Variants in LEPR observed in about 807,000 individuals in gnomAD.
The protein encoded by LEPR is leptin receptor.
A neutral mutation model predicts 114.7 loss-of-function variants in LEPR; 56 were observed. That is an observed-to-expected ratio of 0.49 (90% CI 0.39 to 0.61). LEPR has a LOEUF of 0.61. Ranked by LOEUF, LEPR falls within the 20% of genes least tolerant of loss-of-function variation. The probability of loss-of-function intolerance (pLI) is 0.00; values close to 1 mark genes in which losing one functional copy is unlikely to be tolerated. For synonymous variants in LEPR, 443 were observed against 461.4 expected, an observed-to-expected ratio of 0.96 and a Z score of 0.51; for missense variants, 1,202 against 1,352.9, an observed-to-expected ratio of 0.89 and a Z score of 1.75.
At chr1:65,604,694 C>T (rs931699600) in intron 10 of LEPR, among the ~76,000 whole-genome samples, 3 of 152,210 alleles carry the variant, frequency 2.0e-5, no homozygotes, top group African/African-American at 7.2e-5. Context: ...CTTAGGAACC[C>T]GGCCACAAAG....
intron 8 of LEPR, among the ~76,000 whole-genome samples, chr1:65,600,534 T>C (rs1039230268): frequency 2.0e-5 from 3 of 152,176 alleles, no homozygotes; most frequent in Non-Finnish European, 4.4e-5. Flanking sequence ...TTTCATAGTC[T>C]ATCAACAGAA....
At chr1:65,524,452 C>A (rs12091382) in intron 2 of LEPR, among the ~76,000 whole-genome samples, 2 of 152,138 alleles carry the variant, frequency 1.3e-5, no homozygotes, top group African/African-American at 4.8e-5. Flanking sequence ...AAGTGCTATT[C>A]AAAAAAGTGA....
At chr1:65,453,588 T>C (rs961206290) in intron 2 of LEPR, among the ~76,000 whole-genome samples, 1 of 152,164 alleles carries the variant, frequency 6.6e-6, no homozygotes, top group Admixed American at 6.5e-5. Context: ...AGTTGAGCGG[T>C]TTTGAGTGAG....
chr1:65,635,379 C>T (rs923220530), intron 19 of LEPR: 1 of 984,174 alleles, frequency 1.0e-6, no homozygotes, highest in African/African-American at 1.8e-5. Flanking sequence ...AGTTGTTTGG[C>T]AGGATTTTTC....
In LEPR at chr1:65,636,300, G is replaced by T. The variant is rs747279404; in HGVS notation, c.2783G>T (p.Trp928Leu). 1 of 1,613,914 alleles carries T rather than the reference G, an allele frequency of 6.2e-7. No homozygotes were observed. Among genetic ancestry groups the T allele is most frequent in the South Asian group, 1.1e-5 (1 of 91,064 alleles). ...GAAGATATCAGTGTTGATACATCAT[G>T]GAAAAATAAAGATGAGATGATGCCA... is the stretch of plus-strand genomic sequence containing the variant. ...ISEDISVDTS[W>L]KNKDEMMPTT... The change falls in exon 20 of 20, where the codon TGG becomes TTG. Residue 928 changes from tryptophan (W) to leucine (L), a missense_variant. Trp to Leu is a moderately conservative substitution (Grantham distance 61, BLOSUM62 -2). Transcript: ENST00000349533.
At chr1:65,456,143 G>A (rs1024806553) in intron 2 of LEPR, among the ~76,000 whole-genome samples, 4 of 152,042 alleles carry the variant, frequency 2.6e-5, no homozygotes, top group East Asian at 3.9e-4. Context: ...GCTTCGGCTC[G>A]TGCACGGTGC....
At chr1:65,540,984 A>G (rs1424348758) in intron 2 of LEPR, among the ~76,000 whole-genome samples, 1 of 152,030 alleles carries the variant, frequency 6.6e-6, no homozygotes, top group Non-Finnish European at 1.5e-5. Flanking sequence ...GGCATACGCC[A>G]CCATGCATGG....
chr1:65,633,190 A>G lies in LEPR; in HGVS notation c.2674-3001A>G, dbSNP rs1658593036. The G allele has an allele frequency of 6.2e-7, 1 of 1,609,324 alleles. No homozygotes were observed. Among genetic ancestry groups the G allele is most frequent in the Admixed American group, 1.7e-5 (1 of 59,872 alleles). ...TTTGAAGTCTAATCATGATCACTAC[A>G]GATGAACCCAATGTGCCAACTTCCC... On this transcript the variant is annotated intron_variant, in intron 19 of 19. Transcript: ENST00000349533. This position sits in a 1 kb window ranked among gnomAD's most constrained non-coding sequence, Gnocchi z 4.1.
chr1:65,420,726 T>G lies in LEPR; in HGVS notation c.-111T>G, dbSNP rs775889131. On this transcript the variant is annotated 5_prime_UTR_variant, in exon 1 of 20. It removes an upstream start codon present in the reference 5' UTR. Transcript: ENST00000349533. The stretch of plus-strand genomic sequence containing the variant: ...AGCCGCGGCCCCAGTTCGGGAGACA[T>G]GGCGGGCGTTAAAGGTACATCGCGG... 6.3e-7 allele frequency: 1 copy of G among 1,583,910 alleles called. No homozygotes were observed. The highest frequency in any genetic ancestry group is 8.6e-7 in the Non-Finnish European group (1 of 1,167,426).
chr1:65,618,242 A>G, intron 16 of LEPR, 96 bp downstream of exon 16: 3 of 1,124,370 alleles, frequency 2.7e-6, no homozygotes, highest in Non-Finnish European at 3.8e-6. Flanking sequence ...GAAAACTTCA[A>G]AAATATAGAG....
At chr1:65,470,891 GA>G (rs559527399) in intron 2 of LEPR, among the ~76,000 whole-genome samples, 3 of 152,296 alleles carry the variant, frequency 2.0e-5, no homozygotes, top group South Asian at 4.1e-4. Flanking sequence ...TAAGTGTGGT[GA>G]GTGAAGTGGA....
intron 2 of LEPR, among the ~76,000 whole-genome samples, chr1:65,544,620 C>A (rs1651509958): frequency 6.6e-6 from 1 of 151,372 alleles, no homozygotes; most frequent in Non-Finnish European, 1.5e-5. Context: ...CCATCAATAC[C>A]TAGTTTATTG....
intron 5 of LEPR, among the ~76,000 whole-genome samples, chr1:65,586,813 T>A (rs1241523389): frequency 2.6e-5 from 4 of 151,982 alleles, no homozygotes; most frequent in Non-Finnish European, 4.4e-5. Flanking sequence ...AAAGCTTTTT[T>A]AAAAACCAAC....
intron 2 of LEPR, among the ~76,000 whole-genome samples, chr1:65,440,956 C>A (rs1646641768): frequency 6.6e-6 from 1 of 152,096 alleles, no homozygotes; most frequent in Admixed American, 6.6e-5. Context: ...TAAATAAATG[C>A]ATTTTGTTCA....
At chr1:65,508,819 G>A (rs1021077501) in intron 2 of LEPR, among the ~76,000 whole-genome samples, 3 of 152,048 alleles carry the variant, frequency 2.0e-5, no homozygotes, top group African/African-American at 7.2e-5. Context: ...CACTCCATGA[G>A]CGCACAATAT....
chr1:65,621,985 T>C (rs1218622294), intron 18 of LEPR, among the ~76,000 whole-genome samples: 1 of 152,076 alleles, frequency 6.6e-6, no homozygotes, highest in Non-Finnish European at 1.5e-5. Context: ...GGAGATGTTA[T>C]TTGTGGTTTA....
intron 2 of LEPR, among the ~76,000 whole-genome samples, chr1:65,470,498 G>A (rs72921463): frequency 0.13 from 19,435 of 152,146 alleles, 1,289 homozygotes; most frequent in South Asian, 0.22. Context: ...TTATTAATTA[G>A]TAGAAACTAT....
chr1:65,601,313 G>T, intron 8 of LEPR, 79 bp from the exon 9 acceptor site: 1 of 1,523,836 alleles, frequency 6.6e-7, no homozygotes, highest in East Asian at 2.3e-5. Flanking sequence ...GGAATGTGTT[G>T]TGAATATTTT....
intron 2 of LEPR, among the ~76,000 whole-genome samples, chr1:65,472,447 T>TACACACACACACAC: frequency 1.8e-5 from 1 of 57,044 alleles, no homozygotes; most frequent in Admixed American, 1.8e-4. Context: ...CACACACACG[T>TACACACACACACAC]GTGTATATAT....
Sources: allele counts gnomAD v4.1 joint callset (sites outside exome capture counted in the v4.1 genomes callset), GRCh38; gene constraint gnomAD v4.1.1; non-coding constraint Gnocchi (gnomAD v3.1); transcripts MANE v1.5; gene names NCBI Gene and HGNC (gene_info 2026-07-23, HGNC 2026-07-21).